The following NTN1 variants were observed in gnomAD, a reference collection of about 807,000 sequenced individuals.
NTN1 encodes the protein netrin 1, also known as netrin-1.
NTN1 carries 11 observed loss-of-function variants against 54.2 expected under a neutral mutation model. The observed-to-expected ratio is 0.20, with a 90% CI of 0.13 to 0.34. The LOEUF (loss-of-function observed/expected upper bound fraction) is 0.34, where lower values mean the gene tolerates loss of function less well. Ranked by LOEUF, NTN1 falls within the 10% of genes least tolerant of loss-of-function variation. The probability of loss-of-function intolerance (pLI) is 1.00; values close to 1 mark genes in which losing one functional copy is unlikely to be tolerated. For synonymous variants in NTN1, 371 were observed against 382.0 expected, an observed-to-expected ratio of 0.97 and a Z score of 0.33; for missense variants, 740 against 893.1, an observed-to-expected ratio of 0.83 and a Z score of 2.18.
intron 2 of NTN1, among the ~76,000 whole-genome samples, chr17:9,074,066 G>A (rs535878851): frequency 6.6e-6 from 1 of 152,310 alleles, no homozygotes; most frequent in East Asian, 1.9e-4. Flanking sequence ...GGAATCAGTG[G>A]CTATGTTGAG....
intron 2 of NTN1, among the ~76,000 whole-genome samples, chr17:9,045,322 G>A (rs1352013360): frequency 6.6e-6 from 1 of 152,242 alleles, no homozygotes; most frequent in Non-Finnish European, 1.5e-5. Flanking sequence ...TGAGGCCACA[G>A]CGACTCACTG....
intron 2 of NTN1, among the ~76,000 whole-genome samples, chr17:9,121,122 G>T (rs977408944): frequency 6.6e-6 from 1 of 152,102 alleles, no homozygotes; most frequent in Admixed American, 6.5e-5. Context: ...GCCCTGTCGG[G>T]GGGAGAGCTG....
At chr17:9,166,340 C>CTT (rs34345156) in intron 3 of NTN1, among the ~76,000 whole-genome samples, 11,794 of 112,940 alleles carry the variant, frequency 0.1, 1,129 homozygotes, top group East Asian at 0.28. Context: ...CAGGCTCTGG[C>CTT]TTTTTTTTTT....
chr17:9,037,435 C>T (rs1045746301), intron 2 of NTN1, among the ~76,000 whole-genome samples: 8 of 152,076 alleles, frequency 5.3e-5, no homozygotes, highest in East Asian at 1.9e-4. Flanking sequence ...TTTGGGATTT[C>T]GTGGAAATCC....
At chr17:9,048,947 C>T (rs747524679) in intron 2 of NTN1, among the ~76,000 whole-genome samples, 56 of 152,312 alleles carry the variant, frequency 3.7e-4, no homozygotes, top group Admixed American at 6.5e-4. Flanking sequence ...TGAGCCACCG[C>T]GCCCGGCGGA....
At chr17:9,032,947 G>A (rs1183483635) in intron 2 of NTN1, among the ~76,000 whole-genome samples, 1 of 138,456 alleles carries the variant, frequency 7.2e-6, no homozygotes, top group Admixed American at 7.8e-5. Context: ...CCAATCCACA[G>A]AAATCAATCC....
At chr17:9,227,089 C>T (rs1191704531) in intron 6 of NTN1, among the ~76,000 whole-genome samples, 2 of 152,128 alleles carry the variant, frequency 1.3e-5, no homozygotes, top group African/African-American at 2.4e-5. Context: ...GAAGAAGCTC[C>T]ACTGTTCCAT....
intron 6 of NTN1, among the ~76,000 whole-genome samples, chr17:9,238,035 T>G (rs1046714866): frequency 4.6e-5 from 7 of 152,182 alleles, no homozygotes; most frequent in African/African-American, 1.7e-4. Context: ...CGGTTGGCAT[T>G]CAGTGCTCTC....
chr17:9,054,673 G>A (rs191720517), intron 2 of NTN1, among the ~76,000 whole-genome samples: 1 of 152,130 alleles, frequency 6.6e-6, no homozygotes, highest in Non-Finnish European at 1.5e-5. Context: ...AGAGAGCACC[G>A]TGAGTTTGGC....
intron 2 of NTN1, among the ~76,000 whole-genome samples, chr17:9,072,522 G>A (rs939472342): frequency 6.6e-6 from 1 of 152,134 alleles, no homozygotes; most frequent in African/African-American, 2.4e-5. Context: ...AGCCCTTCAG[G>A]AAAATTGAAG....
At position 9,022,879 on chromosome 17, in the gene NTN1, G is replaced by T. The variant is rs766128293; in HGVS notation, c.506G>T (p.Arg169Leu). 1 of 1,612,096 alleles carries T rather than the reference G, an allele frequency of 6.2e-7. No individual in the cohort carries two copies. Among genetic ancestry groups the T allele is most frequent in the Non-Finnish European group, 8.5e-7 (1 of 1,179,880 alleles). The change falls in exon 2 of 7, where the codon CGC becomes CTC. Residue 169 changes from arginine (R) to leucine (L), a missense_variant. Physicochemically the swap from Arg to Leu is moderately radical, Grantham distance 102. Transcript: ENST00000173229. The stretch of plus-strand genomic sequence containing the variant: ...ATCTACAAGTCCATGGACTACGGGC[G>T]CACGTGGGTGCCCTTCCAGTTCTAC... ...MAIYKSMDYG[R>L]TWVPFQFYST...
chr17:9,189,297 T>C (rs1275465247), intron 5 of NTN1, among the ~76,000 whole-genome samples: 1 of 152,220 alleles, frequency 6.6e-6, no homozygotes, highest in Non-Finnish European at 1.5e-5. Flanking sequence ...CGTGGTTGCC[T>C]GGGCGCAGAG....
intron 3 of NTN1, among the ~76,000 whole-genome samples, chr17:9,170,779 A>G (rs1271352755): frequency 1.3e-5 from 2 of 151,934 alleles, no homozygotes; most frequent in East Asian, 3.9e-4. Context: ...GAGCTGCCTC[A>G]CCTGTGGCAC....
At chr17:9,166,611 G>A (rs2092374169) in intron 3 of NTN1, among the ~76,000 whole-genome samples, 1 of 152,112 alleles carries the variant, frequency 6.6e-6, no homozygotes. Flanking sequence ...CAAAGTGCTG[G>A]GATTACAGGT....
intron 2 of NTN1, among the ~76,000 whole-genome samples, chr17:9,045,379 GGTTTGGCT>G (rs1209194764): frequency 6.6e-6 from 1 of 152,188 alleles, no homozygotes; most frequent in African/African-American, 2.4e-5. Flanking sequence ...CAAATGGCTT[GGTTTGGCT>G]GTGGGATATG....
chr17:9,006,365 C>T, the NTN1 span, among the ~76,000 whole-genome samples: 4 of 152,136 alleles, frequency 2.6e-5, no homozygotes, highest in African/African-American at 7.2e-5. Context: ...TGAGACTATC[C>T]AGATGATGAG....
intron 5 of NTN1, among the ~76,000 whole-genome samples, chr17:9,193,799 G>A (rs972442999): frequency 2.6e-5 from 4 of 151,558 alleles, no homozygotes; most frequent in Admixed American, 2.6e-4. Context: ...GCGCATGCCT[G>A]TAACCCCAGC....
chr17:9,209,218 A>T (rs1335694108), intron 5 of NTN1, among the ~76,000 whole-genome samples: 1 of 152,184 alleles, frequency 6.6e-6, no homozygotes, highest in Non-Finnish European at 1.5e-5. Context: ...TGGAATGGTG[A>T]ATGACCCCAG....
At chr17:9,063,672 C>G (rs1015571855) in intron 2 of NTN1, among the ~76,000 whole-genome samples, 1 of 152,042 alleles carries the variant, frequency 6.6e-6, no homozygotes, top group Non-Finnish European at 1.5e-5. Flanking sequence ...CTCAGCCTCC[C>G]GAGTAGCTGG....
Sources: gnomAD v4.1 joint callset for allele counts (sites outside exome capture counted in the v4.1 genomes callset) on GRCh38, gnomAD v4.1.1 for gene constraint, MANE v1.5 for transcripts, NCBI Gene and HGNC (gene_info 2026-07-23, HGNC 2026-07-21) for gene names.